ASH1L: variants seen among roughly 807,000 people sequenced by gnomAD.
The protein encoded by ASH1L is ASH1 like histone lysine methyltransferase, also known as histone-lysine N-methyltransferase ASH1L.
In ASH1L, 23 loss-of-function variants were observed where a neutral mutation model predicts 269.0. The ratio of observed to expected loss-of-function variants is 0.09; its 90% CI spans 0.06 to 0.12. The LOEUF (loss-of-function observed/expected upper bound fraction) is 0.12. Ranked by LOEUF, ASH1L falls within the 10% of genes least tolerant of loss-of-function variation. ASH1L has a pLI of 1.00. For synonymous variants in ASH1L, 1,187 were observed against 1,253.5 expected (o/e 0.95, Z 1.12); for missense variants, 2,912 against 3,567.8 (o/e 0.82, Z 4.68).
chr1:155,364,327 A>G lies in ASH1L; in HGVS notation c.6687-3918T>C, dbSNP rs1041677656. On this transcript the variant is annotated intron_variant, in intron 12 of 27. Coordinates refer to ENST00000392403, the MANE Select transcript of ASH1L (RefSeq NM_018489.3). ...CTTGCACAAGTCTAGCACAAACACTAATTTCCGCTGGGGACATACTTAGGA... is the reference window on the plus strand; with the variant it reads ...CTTGCACAAGTCTAGCACAAACACTGATTTCCGCTGGGGACATACTTAGGA... 2.6e-5 allele frequency among the ~76,000 whole-genome samples: 4 copies of G among 152,264 alleles called. No individual in the cohort carries two copies. In the East Asian group the frequency reaches 7.7e-4, roughly 29 times the overall value.
rs1159466035 is a variant in ASH1L, at chr1:155,478,089, T to A, written c.4781A>T (p.Asn1594Ile). ...TTCATCACTGCTGGCTGGCTCAGAG[T>A]TGGGAGTGAATCCTCCAAGGGATAA... ...PSLSLGGFTP[N>I]SEPASSDEHT... Residue 1594 changes from asparagine (N) to isoleucine (I), a missense_variant, in exon 3 of 28, where the codon AAC (asparagine) becomes ATC (isoleucine). Transcript: ENST00000392403. This position sits in a 1 kb window ranked among gnomAD's most constrained non-coding sequence, Gnocchi z 4.6. 6.2e-7 allele frequency: 1 copy of A among 1,614,040 alleles called. No homozygotes were observed. Among genetic ancestry groups the A allele is most frequent in the Non-Finnish European group, 8.5e-7 (1 of 1,180,014 alleles).
intron 2 of ASH1L, among the ~76,000 whole-genome samples, chr1:155,505,975 C>T (rs1667788629): frequency 6.6e-6 from 1 of 152,080 alleles, no homozygotes; most frequent in Admixed American, 6.6e-5. Flanking sequence ...TCTCCTAATG[C>T]TATCCCTCCC....
chr1:155,556,434 G>GTGTA (rs1314649728), intron 1 of ASH1L, among the ~76,000 whole-genome samples: 56 of 147,950 alleles, frequency 3.8e-4, no homozygotes, highest in Non-Finnish European at 6.9e-4. Flanking sequence ...GTGTGTGTGT[G>GTGTA]TGTGTATGTG....
At chr1:155,342,357 AG>A (rs1652891937) in intron 24 of ASH1L, among the ~76,000 whole-genome samples, 1 of 152,214 alleles carries the variant, frequency 6.6e-6, no homozygotes. Flanking sequence ...TGAGTGCTGC[AG>A]GGATGTGTGA....
chr1:155,359,600 G>A (rs1234951151), intron 13 of ASH1L, among the ~76,000 whole-genome samples: 1 of 151,684 alleles, frequency 6.6e-6, no homozygotes, highest in Non-Finnish European at 1.5e-5. Flanking sequence ...GTTTGAGACA[G>A]GGTCTTGCTC....
chr1:155,478,317 C>T lies in ASH1L; in HGVS notation c.4553G>A (p.Arg1518Lys). Reference sequence around the variant, plus strand: ...CTCTCCAACAGCATCCTTTCCAAATCTATAGCGCTTCAAAGATTCCAGGAC... The same window carrying T: ...CTCTCCAACAGCATCCTTTCCAAATTTATAGCGCTTCAAAGATTCCAGGAC... ...RSVLESLKRY[R>K]FGKDAVGERY... The change falls in exon 3 of 28, where the codon AGA becomes AAA. Residue 1518 changes from arginine (R) to lysine (K), a missense_variant. By Grantham distance (26) the Arg-to-Lys change is conservative (BLOSUM62 2). Coordinates refer to ENST00000392403, the MANE Select transcript of ASH1L (RefSeq NM_018489.3). This position sits in a 1 kb window ranked among gnomAD's most constrained non-coding sequence, Gnocchi z 4.6. 1 of 1,614,104 alleles carries T rather than the reference C, an allele frequency of 6.2e-7. No individual in the cohort carries two copies. Among genetic ancestry groups the T allele is most frequent in the Non-Finnish European group, 8.5e-7 (1 of 1,180,038 alleles).
At chr1:155,484,048 C>T (rs547585114) in intron 2 of ASH1L, among the ~76,000 whole-genome samples, 46 of 151,926 alleles carry the variant, frequency 3.0e-4, no homozygotes, top group Non-Finnish European at 5.6e-4. Flanking sequence ...CAAAGATTAG[C>T]GAAAATAGTG....
At chr1:155,384,962 CTA>C (rs1657298734) in intron 7 of ASH1L, among the ~76,000 whole-genome samples, 1 of 151,344 alleles carries the variant, frequency 6.6e-6, no homozygotes, top group African/African-American at 2.4e-5. Context: ...ATTCTATTTT[CTA>C]TGTTGTTGTA....
Position 155,480,919 on chromosome 1 carries a change from C to G in ASH1L, c.1951G>C (p.Gly651Arg), listed in dbSNP as rs756167866. Reference protein sequence around the residue: ...IDIPRISSSLGKKPSLTSESS... With the variant: ...IDIPRISSSLRKKPSLTSESS... The stretch of plus-strand genomic sequence containing the variant: ...TCAGAAGTCAAACTTGGCTTTTTTC[C>G]AAGGGAAGAGCTTATTCTTGGAATA... The change falls in exon 3 of 28, where the codon GGA becomes CGA. Residue 651 changes from glycine to arginine, a missense_variant. Physicochemically the swap from Gly to Arg is moderately radical, Grantham distance 125. Coordinates refer to ENST00000392403, the MANE Select transcript of ASH1L (RefSeq NM_018489.3). The G allele has an allele frequency of 6.2e-7, 1 of 1,613,574 alleles. No homozygotes were observed. The highest frequency in any genetic ancestry group is 1.1e-5 in the South Asian group (1 of 90,946).
At chr1:155,440,166 A>C (rs1201736587) in intron 4 of ASH1L, among the ~76,000 whole-genome samples, 1 of 151,938 alleles carries the variant, frequency 6.6e-6, no homozygotes, top group Non-Finnish European at 1.5e-5. Flanking sequence ...AAATTAGCCC[A>C]GTGTGGTTTC....
At chr1:155,487,339 A>C (rs1666395791) in intron 2 of ASH1L, among the ~76,000 whole-genome samples, 1 of 152,174 alleles carries the variant, frequency 6.6e-6, no homozygotes, top group Non-Finnish European at 1.5e-5. Flanking sequence ...ATGAGAAAGA[A>C]GCCCAAGGGG....
intron 25 of ASH1L, among the ~76,000 whole-genome samples, chr1:155,340,328 G>A (rs1384509499): frequency 2.6e-5 from 4 of 152,064 alleles, no homozygotes; most frequent in Admixed American, 2.6e-4. Context: ...GATTACAGGT[G>A]CATGCCACCA....
At chr1:155,409,314 C>A (rs1468937124) in intron 6 of ASH1L, among the ~76,000 whole-genome samples, 1 of 152,064 alleles carries the variant, frequency 6.6e-6, no homozygotes, top group Non-Finnish European at 1.5e-5. Context: ...CCACACCCAG[C>A]AAAAATTGTC....
chr1:155,433,281 C>G, intron 5 of ASH1L: 3 of 1,566,830 alleles, frequency 1.9e-6, no homozygotes, highest in Non-Finnish European at 1.7e-6. Context: ...GATCCTCGGA[C>G]CTGGCTAAGC....
chr1:155,424,718 A>T (rs1024446407), intron 5 of ASH1L, among the ~76,000 whole-genome samples: 10 of 152,160 alleles, frequency 6.6e-5, no homozygotes, highest in African/African-American at 2.4e-4. Flanking sequence ...ATTACAGTTA[A>T]TTTTATGATT....
chr1:155,367,837 T>C (rs1344203451), intron 12 of ASH1L, among the ~76,000 whole-genome samples: 2 of 152,262 alleles, frequency 1.3e-5, no homozygotes, highest in Non-Finnish European at 2.9e-5. Flanking sequence ...TTAAGCTTTT[T>C]ATTTATTGTT....
chr1:155,397,089 T>C (rs1239587396), intron 6 of ASH1L: 4 of 141,004 alleles, frequency 2.8e-5, no homozygotes, highest in Non-Finnish European at 4.5e-5. Flanking sequence ...GATAGCACAC[T>C]GCACTCCAGC....
At position 155,343,423 on chromosome 1, in the gene ASH1L, G is replaced by A. The variant is rs1449240984; in HGVS notation, c.8184C>T (p.Ser2728=). Residue 2728 remains serine (S), a synonymous_variant, in exon 24 of 28, where the codon TCC becomes TCT. Coordinates refer to ENST00000392403, the MANE Select transcript of ASH1L (RefSeq NM_018489.3). The surrounding 1 kb of genome is among the most constrained non-coding windows in gnomAD (Gnocchi z 6.1). The part of the protein sequence containing the change: ...FRPHETHHSP[S]RRFYHNELFR... The stretch of plus-strand genomic sequence containing the variant: ...ATAGTTCATTATGATAGAACCGACG[G>A]GATGGAGAGTGGTGTGTTTCGTGGG... The A allele has an allele frequency of 6.2e-7, 1 of 1,614,174 alleles. No homozygotes were observed. Among genetic ancestry groups the A allele is most frequent in the East Asian group, 2.2e-5 (1 of 44,888 alleles).
At chr1:155,348,911 T>TATAC (rs1186891494) in intron 19 of ASH1L, among the ~76,000 whole-genome samples, 7,825 of 140,152 alleles carry the variant, frequency 0.056, 246 homozygotes, top group Non-Finnish European at 0.077. Flanking sequence ...TATATATATA[T>TATAC]ACACACACAC....
Sources: gnomAD v4.1 joint callset for allele counts (sites outside exome capture counted in the v4.1 genomes callset) on GRCh38, gnomAD v4.1.1 for gene constraint, Gnocchi (gnomAD v3.1) non-coding constraint, MANE v1.5 for transcripts, NCBI Gene and HGNC (gene_info 2026-07-23, HGNC 2026-07-21) for gene names.